The following IMPDH1 variants were observed in gnomAD, a reference collection of about 807,000 sequenced individuals.
IMPDH1 encodes inosine monophosphate dehydrogenase 1.
IMPDH1 carries 41 observed loss-of-function variants against 73.5 expected under a neutral mutation model. The ratio of observed to expected loss-of-function variants is 0.56; its 90% CI spans 0.43 to 0.72. The LOEUF is 0.72. IMPDH1 is among the 30% of genes least tolerant of loss of function. The pLI, the probability that IMPDH1 is intolerant of heterozygous loss-of-function variation, is 0.00. For synonymous variants in IMPDH1, 318 were observed against 334.3 expected, an observed-to-expected ratio of 0.95 and a Z score of 0.53; for missense variants, 645 against 824.8, an observed-to-expected ratio of 0.78 and a Z score of 2.67.
At position 128,392,922 on chromosome 7, in the gene IMPDH1, G is replaced by T; in HGVS notation, c.*85C>A. 7.4e-7 allele frequency: 1 copy of T among 1,357,842 alleles called. No homozygotes were observed. Among genetic ancestry groups the T allele is most frequent in the Non-Finnish European group, 1.1e-6 (1 of 947,522 alleles). The allele number at this position is 1,357,842 out of a possible 1,614,324, so 84.1% of individuals were successfully genotyped here. On this transcript the variant is annotated 3_prime_UTR_variant, in exon 17 of 17. Coordinates refer to ENST00000338791, the MANE Select transcript of IMPDH1 (RefSeq NM_000883.4). ...GGAGAACCCGTAGTGCAAATCTGTG[G>T]ACCACTCAGTTATGGAGGGAGGCTG...
At chr7:128,409,580 C>T (rs938249813) in intron 1 of IMPDH1, 96 bp from the exon 2 acceptor site, 44 of 1,534,598 alleles carry the variant, frequency 2.9e-5, no homozygotes, top group Middle Eastern at 1.9e-4. Flanking sequence ...CCGTCTGCAT[C>T]CCCCAACCAA....
At position 128,398,687 on chromosome 7, in the gene IMPDH1, G is replaced by A. The variant is rs927690104; in HGVS notation, c.875-74C>T. On this transcript the variant is annotated intron_variant, in intron 9 of 16. Transcript: ENST00000338791. The surrounding 1 kb of genome is among the most constrained non-coding windows in gnomAD (Gnocchi z 4.3). ...TTTGGGAGATGTTTAGGAGGGTGAA[G>A]ATGAAAGTGGACCACTCCAGAGATT... 3 of 1,228,004 alleles carry A rather than the reference G, an allele frequency of 2.4e-6. No homozygotes were observed. The highest frequency in any genetic ancestry group is 3.6e-6 in the Non-Finnish European group (3 of 838,396). The allele number at this position is 1,228,004 out of a possible 1,614,324, so 76.1% of individuals were successfully genotyped here.
At chr7:128,400,017 G>A in intron 9 of IMPDH1, 78 bp downstream of exon 9, 3 of 1,153,334 alleles carry the variant, frequency 2.6e-6, no homozygotes, top group East Asian at 2.3e-5. Flanking sequence ...GGGATAACCT[G>A]TAAGGCTGTG....
intron 4 of IMPDH1, among the ~76,000 whole-genome samples, chr7:128,404,269 C>A (rs1282355122): frequency 6.6e-6 from 1 of 152,156 alleles, no homozygotes; most frequent in Non-Finnish European, 1.5e-5. Flanking sequence ...CATGGAGGGA[C>A]CCCAGGGGGC....
At position 128,403,629 on chromosome 7, in the gene IMPDH1, C is replaced by T; in HGVS notation, c.402+77G>A. 18 of 1,297,032 alleles carry T rather than the reference C, an allele frequency of 1.4e-5. 1 individual carries two copies. In the South Asian group the frequency reaches 2.0e-4, roughly 14 times the overall value. The allele number at this position is 1,297,032 out of a possible 1,614,324, so 80.3% of individuals were successfully genotyped here. ...GAAAAGTCTCTCCATCTCTCCATGC[C>T]CTGCCCCTGAGCAAGAAGTCAGCCT... On this transcript the variant is annotated intron_variant, in intron 5 of 16. Transcript: ENST00000338791.
Position 128,409,478 on chromosome 7 carries a change from T to A in IMPDH1, c.153A>T (p.Arg51Ser). ...TCGTCGGGTGTGTAGCGAGGTCCAA[T>A]CTAGGGCTAAGATTTTAGGGAAGGT... is the stretch of plus-strand genomic sequence containing the variant. Reference protein sequence around the residue: ...LQAGYEPESPRLDLATHPTTP... With the variant: ...LQAGYEPESPSLDLATHPTTP... The change falls in exon 2 of 17, where the codon AGA becomes AGT. Residue 51 changes from arginine to serine, a missense_variant. Around this residue, in one of 2 missense-constraint regions of IMPDH1, gnomAD observed 186 missense variants for 186.6 expected, o/e 1.00. Coordinates refer to ENST00000338791, the MANE Select transcript of IMPDH1 (RefSeq NM_000883.4). 1 of 1,614,144 alleles carries A rather than the reference T, an allele frequency of 6.2e-7. No individual in the cohort carries two copies. Among genetic ancestry groups the A allele is most frequent in the African/African-American group, 1.3e-5 (1 of 75,028 alleles).
intron 9 of IMPDH1, among the ~76,000 whole-genome samples, chr7:128,399,850 T>C (rs951374822): frequency 1.3e-5 from 2 of 152,224 alleles, no homozygotes; most frequent in African/African-American, 4.8e-5. Flanking sequence ...TCAGGATTTT[T>C]TTCTGATGAG....
chr7:128,409,497 G>A lies in IMPDH1; in HGVS notation c.147-13C>T. The A allele has an allele frequency of 6.2e-7, 1 of 1,614,166 alleles. No individual in the cohort carries two copies. Among genetic ancestry groups the A allele is most frequent in the South Asian group, 1.1e-5 (1 of 91,080 alleles). Reference sequence around the variant, plus strand: ...GTCCAATCTAGGGCTAAGATTTTAGGGAAGGTTTTTACGACCTGTTCCCTC... The same window carrying A: ...GTCCAATCTAGGGCTAAGATTTTAGAGAAGGTTTTTACGACCTGTTCCCTC... On this transcript the variant is annotated splice_polypyrimidine_tract_variant and intron_variant, in intron 1 of 16. Transcript: ENST00000338791.
At chr7:128,406,301 A>AC (rs1563002564) in intron 3 of IMPDH1, among the ~76,000 whole-genome samples, 314 of 7,978 alleles carry the variant, frequency 0.039, no homozygotes, top group Middle Eastern at 0.17. Context: ...CCACACCCCC[A>AC]CACCCCCCAC....
rs121912551 is a variant in IMPDH1 at position 128,398,431 on chromosome 7, C to T, written c.1057G>A (p.Val353Ile). 6.6e-5 allele frequency: 106 copies of T among 1,613,166 alleles called. No homozygotes were observed. The highest frequency in any genetic ancestry group is 7.4e-5 in the Non-Finnish European group (87 of 1,179,804). The stretch of plus-strand genomic sequence containing the variant: ...GGCCTTACCAAGACTATGACGTCGA[C>T]GCCCGCCTGGGTGAGCAGGTCCAGA... Reference protein sequence around the residue: ...YRLDLLTQAGVDVIVLDSSQG... With the variant: ...YRLDLLTQAGIDVIVLDSSQG... Residue 353 changes from valine to isoleucine, a missense_variant, in exon 10 of 17, where the codon GTC (valine) becomes ATC (isoleucine). Coordinates refer to ENST00000338791, the MANE Select transcript of IMPDH1 (RefSeq NM_000883.4). This position sits in a 1 kb window ranked among gnomAD's most constrained non-coding sequence, Gnocchi z 4.3.
At position 128,398,435 on chromosome 7, in the gene IMPDH1, C is replaced by T. The variant is rs954543590; in HGVS notation, c.1053G>A (p.Ala351=). Reference sequence around the variant, plus strand: ...TTACCAAGACTATGACGTCGACGCCCGCCTGGGTGAGCAGGTCCAGACGGT... The same window carrying T: ...TTACCAAGACTATGACGTCGACGCCTGCCTGGGTGAGCAGGTCCAGACGGT... The part of the protein sequence containing the change: ...DKYRLDLLTQ[A]GVDVIVLDSS... Residue 351 remains alanine (A), a synonymous_variant, in exon 10 of 17, where the codon GCG becomes GCA. Transcript: ENST00000338791. The surrounding 1 kb of genome is among the most constrained non-coding windows in gnomAD (Gnocchi z 4.3). The T allele has an allele frequency of 5.0e-6, 8 of 1,613,372 alleles. No individual in the cohort carries two copies. The highest frequency in any genetic ancestry group is 4.5e-5 in the East Asian group (2 of 44,884).
chr7:128,398,737 C>T lies in IMPDH1; in HGVS notation c.875-124G>A. 3.9e-6 allele frequency: 3 copies of T among 759,774 alleles called. No homozygotes were observed. Among genetic ancestry groups the T allele is most frequent in the Non-Finnish European group, 6.9e-6 (3 of 436,472 alleles). The allele number at this position is 759,774 out of a possible 1,614,324, so 47.1% of individuals were successfully genotyped here. A position where few individuals can be genotyped will look rare whatever the true frequency, so the allele number is the denominator to read the frequency against. On this transcript the variant is annotated intron_variant, in intron 9 of 16. Transcript: ENST00000338791. This position sits in a 1 kb window ranked among gnomAD's most constrained non-coding sequence, Gnocchi z 4.3. ...TCCACTGAAGTACCCCAGTCAGCCACTAGGTGACAGCACCGCCCCCAGGAA... is the reference window on the plus strand; with the variant it reads ...TCCACTGAAGTACCCCAGTCAGCCATTAGGTGACAGCACCGCCCCCAGGAA...
chr7:128,402,778 C>T, intron 5 of IMPDH1, among the ~76,000 whole-genome samples: 1 of 152,046 alleles, frequency 6.6e-6, no homozygotes, highest in East Asian at 1.9e-4. Flanking sequence ...TGACTTACAC[C>T]ATCATCACTA....
intron 9 of IMPDH1, 63 bp downstream of exon 9, chr7:128,400,031 GA>G: frequency 7.8e-7 from 1 of 1,275,296 alleles, no homozygotes; most frequent in Non-Finnish European, 1.1e-6. Flanking sequence ...GGCTGTGAAG[GA>G]ACAACGGGAC....
At chr7:128,407,598 A>G (rs1413015758) in intron 3 of IMPDH1, among the ~76,000 whole-genome samples, 3 of 152,204 alleles carry the variant, frequency 2.0e-5, no homozygotes, top group Non-Finnish European at 1.5e-5. Context: ...CTGGCCACAG[A>G]AGAACAGAGC....
chr7:128,407,589 T>C (rs1458034215), intron 3 of IMPDH1, among the ~76,000 whole-genome samples: 3 of 152,172 alleles, frequency 2.0e-5, no homozygotes, highest in Non-Finnish European at 4.4e-5. Flanking sequence ...GGTACCTTTC[T>C]GGCCACAGAA....
rs1435826692 is a variant in IMPDH1, at chr7:128,394,570, C to A, written c.1580G>T (p.Gly527Val). 1.2e-6 allele frequency: 2 copies of A among 1,613,850 alleles called. No homozygotes were observed. The highest frequency in any genetic ancestry group is 2.2e-5 in the South Asian group (2 of 91,078). Residue 527 changes from glycine to valine, a missense_variant, in exon 15 of 17, where the codon GGT (glycine) becomes GTT (valine). Gly to Val is a moderately radical substitution (Grantham distance 109). Coordinates refer to ENST00000338791, the MANE Select transcript of IMPDH1 (RefSeq NM_000883.4). The surrounding 1 kb of genome is among the most constrained non-coding windows in gnomAD (Gnocchi z 5.5). ...TTTGTCCTGGATGGAGCCCGAGACA[C>A]CCTGCGCGATCTTCACTTTATCCCC... is the stretch of plus-strand genomic sequence containing the variant. ...SEGDKVKIAQ[G>V]VSGSIQDKGS...
intron 1 of IMPDH1, 118 bp downstream of exon 1, chr7:128,409,638 G>T: frequency 1.3e-6 from 2 of 1,515,660 alleles, no homozygotes; most frequent in Non-Finnish European, 9.0e-7. Flanking sequence ...GGCGGTAATA[G>T]GGGAAGGGTT....
chr7:128,403,262 G>A (rs1798461674), intron 5 of IMPDH1, among the ~76,000 whole-genome samples: 1 of 152,076 alleles, frequency 6.6e-6, no homozygotes, highest in South Asian at 2.1e-4. Flanking sequence ...AACAATAAAG[G>A]CTATATCCAC....
Sources: gnomAD v4.1 joint callset for allele counts (sites outside exome capture counted in the v4.1 genomes callset) on GRCh38, gnomAD v4.1.1 for gene constraint, gnomAD v4.1.1 regional missense constraint, Gnocchi (gnomAD v3.1) non-coding constraint, MANE v1.5 for transcripts, NCBI Gene and HGNC (gene_info 2026-07-23, HGNC 2026-07-21) for gene names.